Variants in WDR17 observed in about 807,000 individuals in gnomAD.
WDR17 encodes WD repeat-containing protein 17.
WDR17 carries 143 observed loss-of-function variants against 161.7 expected under a neutral mutation model. The ratio of observed to expected loss-of-function variants is 0.88; its 90% CI spans 0.77 to 1.02. The LOEUF (loss-of-function observed/expected upper bound fraction) is 1.02. Among genes scored for constraint, WDR17 ranks in the 50% least tolerant of loss-of-function variants. The pLI is 0.00. For missense variants in WDR17, 1,469 were observed against 1,520.9 expected, an observed-to-expected ratio of 0.97 and a Z score of 0.57; for synonymous variants, 517 against 515.6, an observed-to-expected ratio of 1.00 and a Z score of -0.04.
chr4:176,181,608 G>C lies in WDR17; in HGVS notation c.*2029G>C, dbSNP rs1316987979. ...ATATCTGTAACTCAAATTTTTCTTA[G>C]GTGAGGAGGATTATTAACTGGCACA... On this transcript the variant is annotated 3_prime_UTR_variant, in exon 29 of 29. Transcript: ENST00000508596. 1.2e-5 allele frequency: 2 copies of C among 164,984 alleles called. No homozygotes were observed. Among genetic ancestry groups the C allele is most frequent in the African/African-American group, 4.8e-5 (2 of 41,450 alleles). 10.2% of individuals were successfully genotyped at this position (164,984 alleles called of 1,614,324 possible). A position where few individuals can be genotyped will look rare whatever the true frequency, so the allele number is the denominator to read the frequency against.
chr4:176,165,506 A>G (rs1322828244), intron 22 of WDR17, among the ~76,000 whole-genome samples: 1 of 152,222 alleles, frequency 6.6e-6, no homozygotes, highest in Non-Finnish European at 1.5e-5. Flanking sequence ...AAACTTAACT[A>G]CTAATAGCCT....
intron 23 of WDR17, among the ~76,000 whole-genome samples, chr4:176,169,569 T>C (rs1750399291): frequency 6.8e-6 from 1 of 147,688 alleles, no homozygotes; most frequent in African/African-American, 2.7e-5. Flanking sequence ...TTTAAGAAAA[T>C]GATAAGATAT....
intron 6 of WDR17, among the ~76,000 whole-genome samples, chr4:176,129,327 A>G (rs10520333): frequency 0.25 from 37,552 of 151,924 alleles, 4,776 homozygotes; most frequent in South Asian, 0.28. Context: ...GTTGTCACTA[A>G]GTTAGTAGTT....
chr4:176,109,793 G>A (rs1739403950), intron 1 of WDR17, among the ~76,000 whole-genome samples: 1 of 152,156 alleles, frequency 6.6e-6, no homozygotes, highest in South Asian at 2.1e-4. Context: ...TTGAGATGTA[G>A]ATCAGATGTG....
chr4:176,072,401 T>G (rs960763308), intron 1 of WDR17, among the ~76,000 whole-genome samples: 9 of 152,190 alleles, frequency 5.9e-5, no homozygotes, highest in Non-Finnish European at 1.0e-4. Flanking sequence ...TTTGTTGGAG[T>G]TGGGATGTGA....
At chr4:176,161,424 T>G (rs1293364036) in intron 20 of WDR17, among the ~76,000 whole-genome samples, 4 of 152,180 alleles carry the variant, frequency 2.6e-5, no homozygotes, top group African/African-American at 9.7e-5. Context: ...GAATAATGTT[T>G]GGTCCTCTTT....
intron 2 of WDR17, among the ~76,000 whole-genome samples, chr4:176,114,403 G>T (rs766583193): frequency 6.6e-6 from 1 of 152,042 alleles, no homozygotes; most frequent in Non-Finnish European, 1.5e-5. Context: ...AGAAGAAAAA[G>T]CCTTAGGAAA....
chr4:176,172,306 T>G, intron 23 of WDR17, 69 bp from the exon 24 acceptor site: 2 of 1,416,484 alleles, frequency 1.4e-6, no homozygotes, highest in Non-Finnish European at 1.9e-6. Flanking sequence ...GAAAGTATTT[T>G]GTACTTACAC....
chr4:176,101,724 A>G (rs1254810694), intron 1 of WDR17, among the ~76,000 whole-genome samples: 2 of 152,304 alleles, frequency 1.3e-5, no homozygotes, highest in African/African-American at 4.8e-5. Flanking sequence ...ATAGATCCAC[A>G]TAAATATACT....
intron 1 of WDR17, chr4:176,111,355 T>C (rs1739705524): frequency 3.1e-6 from 1 of 323,448 alleles, no homozygotes; most frequent in African/African-American, 2.1e-5. Context: ...TCCTTCATTA[T>C]CATATTTCCT....
At chr4:176,074,916 T>C (rs7657665) in intron 1 of WDR17, among the ~76,000 whole-genome samples, 76,854 of 149,228 alleles carry the variant, frequency 0.52, 21,345 homozygotes, top group South Asian at 0.63. Flanking sequence ...ACTGAAAGTT[T>C]AAAAAGTCAA....
intron 1 of WDR17, among the ~76,000 whole-genome samples, chr4:176,068,665 G>A (rs1313507745): frequency 6.6e-6 from 1 of 152,128 alleles, no homozygotes; most frequent in African/African-American, 2.4e-5. Flanking sequence ...ATTAATTCAT[G>A]CTCCTTTTCT....
Position 176,069,295 on chromosome 4 carries a change from A to T in WDR17, c.-7+3216A>T, listed in dbSNP as rs564472524. Among the ~76,000 whole-genome samples the T allele has an allele frequency of 9.2e-5, 14 of 152,078 alleles. No individual in the cohort carries two copies. The East Asian group carries it at 2.7e-3, about 29-fold the overall frequency. ...TAAAAGTCTTACTTTTTATTATGTT[A>T]AATGTACTTACAAAGTATTGTTCAG... On this transcript the variant is annotated intron_variant, in intron 1 of 28. Coordinates refer to ENST00000508596, the MANE Select transcript of WDR17 (RefSeq NM_181265.4).
intron 22 of WDR17, among the ~76,000 whole-genome samples, chr4:176,165,357 G>GAAAC (rs756954221): frequency 4.6e-5 from 7 of 151,904 alleles, no homozygotes; most frequent in Non-Finnish European, 8.8e-5. Context: ...CAACAAGAGT[G>GAAAC]AAACTTCGTC....
rs574146696 is a variant in WDR17 at position 176,139,528 on chromosome 4, A to G, written c.1360-364A>G. ...TTGAAGTAGCACTGTGTTTGGAAGC[A>G]GATAGATAACTGTTTTCATCACCAT... On this transcript the variant is annotated intron_variant, in intron 9 of 28. Transcript: ENST00000508596. 8.5e-5 allele frequency among the ~76,000 whole-genome samples: 13 copies of G among 152,108 alleles called. No individual in the cohort carries two copies. In the South Asian group the frequency reaches 2.7e-3, roughly 32 times the overall value.
chr4:176,167,796 C>T (rs1387627093), intron 22 of WDR17, among the ~76,000 whole-genome samples: 4 of 151,646 alleles, frequency 2.6e-5, no homozygotes, highest in African/African-American at 7.3e-5. Context: ...CTTCTAAGTA[C>T]ATACCATTTT....
At chr4:176,073,156 A>T (rs1049678469) in intron 1 of WDR17, among the ~76,000 whole-genome samples, 1 of 152,032 alleles carries the variant, frequency 6.6e-6, no homozygotes, top group African/African-American at 2.4e-5. Flanking sequence ...CACAATGTGC[A>T]GGTTTGTTAC....
chr4:176,074,609 C>T lies in WDR17; in HGVS notation c.-7+8530C>T, dbSNP rs577414054. Among the ~76,000 whole-genome samples, 21 of 151,774 alleles carry T rather than the reference C, an allele frequency of 1.4e-4. No individual in the cohort carries two copies. In the East Asian group the frequency reaches 3.7e-3, roughly 27 times the overall value. On this transcript the variant is annotated intron_variant, in intron 1 of 28. Transcript: ENST00000508596. ...GTAGCTGCGACTAGAGGTGCATGCA[C>T]CACACCTGGCTAATTTTTGTATTTT... is the stretch of plus-strand genomic sequence containing the variant.
At chr4:176,072,715 C>T (rs6818449) in intron 1 of WDR17, among the ~76,000 whole-genome samples, 78,605 of 151,708 alleles carry the variant, frequency 0.52, 21,884 homozygotes, top group South Asian at 0.63. Flanking sequence ...TGCATAGCTC[C>T]GAGCACATAG....
Sources: gnomAD v4.1 joint callset for allele counts (sites outside exome capture counted in the v4.1 genomes callset) on GRCh38, gnomAD v4.1.1 for gene constraint, MANE v1.5 for transcripts, NCBI Gene and HGNC (gene_info 2026-07-23, HGNC 2026-07-21) for gene names.